Variants in CSMD1 observed in about 807,000 individuals in gnomAD.
CSMD1 encodes the protein CUB and Sushi multiple domains 1, also known as CUB and sushi domain-containing protein 1.
In CSMD1, 213 loss-of-function variants were observed where a neutral mutation model predicts 417.5. The observed-to-expected ratio is 0.51, with a 90% CI of 0.46 to 0.57. The LOEUF is 0.57. Ranked by LOEUF, CSMD1 falls within the 20% of genes least tolerant of loss-of-function variation. CSMD1 has a pLI of 0.00. For synonymous variants in CSMD1, 2,862 were observed against 1,736.8 expected, an observed-to-expected ratio of 1.65 and a Z score of -16.11; for missense variants, 6,923 against 4,529.7, an observed-to-expected ratio of 1.53 and a Z score of -15.17.
intron 39 of CSMD1, among the ~76,000 whole-genome samples, chr8:3,156,035 A>G (rs1456731306): frequency 6.6e-6 from 1 of 152,260 alleles, no homozygotes; most frequent in Non-Finnish European, 1.5e-5. Flanking sequence ...TGTAACAGAC[A>G]GTAATTACCT....
chr8:3,533,398 C>G (rs769219044), intron 10 of CSMD1, among the ~76,000 whole-genome samples: 6 of 152,112 alleles, frequency 3.9e-5, no homozygotes, highest in Non-Finnish European at 8.8e-5. Context: ...CCTCATTTCC[C>G]CCTCCCTGAT....
chr8:4,088,007 T>C (rs1208932808), intron 3 of CSMD1, among the ~76,000 whole-genome samples: 1 of 152,128 alleles, frequency 6.6e-6, no homozygotes, highest in Non-Finnish European at 1.5e-5. Context: ...CTAACTTTAT[T>C]AGAATATCAT....
chr8:4,638,847 G>T (rs1474945554), intron 1 of CSMD1, among the ~76,000 whole-genome samples: 1 of 152,146 alleles, frequency 6.6e-6, no homozygotes, highest in Non-Finnish European at 1.5e-5. Flanking sequence ...AGTGTCTGAG[G>T]AACTGATTTC....
intron 12 of CSMD1, among the ~76,000 whole-genome samples, chr8:3,419,158 C>T (rs1250845426): frequency 6.6e-6 from 1 of 152,208 alleles, no homozygotes; most frequent in Non-Finnish European, 1.5e-5. Flanking sequence ...ATTCTTAACT[C>T]AGCAGGAACT....
At chr8:4,222,102 C>G (rs924245135) in intron 3 of CSMD1, among the ~76,000 whole-genome samples, 5 of 100,788 alleles carry the variant, frequency 5.0e-5, no homozygotes, top group Non-Finnish European at 7.4e-5. Flanking sequence ...AAGATCAAAC[C>G]AACAAAAAAA....
At chr8:4,016,201 T>A (rs1164216683) in intron 4 of CSMD1, among the ~76,000 whole-genome samples, 1 of 152,172 alleles carries the variant, frequency 6.6e-6, no homozygotes, top group Non-Finnish European at 1.5e-5. Context: ...AGAGGTTTAG[T>A]CTAAGTAAAA....
At chr8:3,859,368 ACTT>A (rs1200850833) in intron 5 of CSMD1, among the ~76,000 whole-genome samples, 1 of 152,194 alleles carries the variant, frequency 6.6e-6, no homozygotes, top group African/African-American at 2.4e-5. Flanking sequence ...GTCCAGAAAT[ACTT>A]CTTTTTATAA....
At chr8:3,011,963 T>C (rs1296690664) in intron 52 of CSMD1, among the ~76,000 whole-genome samples, 1 of 152,186 alleles carries the variant, frequency 6.6e-6, no homozygotes, top group East Asian at 1.9e-4. Flanking sequence ...AGAGAGTGGA[T>C]ACCAGGTCAG....
intron 3 of CSMD1, among the ~76,000 whole-genome samples, chr8:4,167,983 G>C (rs1010388204): frequency 4.6e-5 from 7 of 151,894 alleles, no homozygotes; most frequent in East Asian, 3.9e-4. Context: ...CAAAAAATTA[G>C]CCAGGCGTGG....
intron 3 of CSMD1, among the ~76,000 whole-genome samples, chr8:4,075,536 C>T (rs1002247453): frequency 7.2e-5 from 11 of 152,028 alleles, no homozygotes; most frequent in Admixed American, 3.3e-4. Flanking sequence ...GTCAGATATC[C>T]CCTTAGAGAA....
intron 1 of CSMD1, among the ~76,000 whole-genome samples, chr8:4,794,806 C>T (rs1382484607): frequency 2.0e-5 from 3 of 152,142 alleles, no homozygotes; most frequent in East Asian, 1.9e-4. Flanking sequence ...AATAGAAGCA[C>T]TCAATGGTCC....
intron 25 of CSMD1, among the ~76,000 whole-genome samples, chr8:3,307,366 G>T (rs142878370): frequency 4.5e-4 from 68 of 152,150 alleles, no homozygotes; most frequent in African/African-American, 1.6e-3. Flanking sequence ...CTCATCCCCA[G>T]GCAGTCTCAC....
chr8:3,602,640 A>G (rs17066560), intron 8 of CSMD1, among the ~76,000 whole-genome samples: 37,150 of 151,880 alleles, frequency 0.24, 4,737 homozygotes, highest in Admixed American at 0.28. Flanking sequence ...GCTAAGAGTC[A>G]CAGGGTGTTA....
chr8:4,175,457 T>C (rs1006911812), intron 3 of CSMD1, among the ~76,000 whole-genome samples: 3 of 144,398 alleles, frequency 2.1e-5, no homozygotes, highest in South Asian at 4.3e-4. Flanking sequence ...TATTTTATGA[T>C]AGCAAAAGCA....
At chr8:3,539,314 A>C (rs6981196) in intron 10 of CSMD1, among the ~76,000 whole-genome samples, 7,069 of 152,144 alleles carry the variant, frequency 0.046, 484 homozygotes, top group African/African-American at 0.15. Flanking sequence ...CCCACCCCCA[A>C]GCCAATCCCA....
Position 3,106,597 on chromosome 8 carries a change from C to G in CSMD1, c.6880G>C (p.Gly2294Arg). 4 of 1,613,758 alleles carry G rather than the reference C, an allele frequency of 2.5e-6. No homozygotes were observed. Among genetic ancestry groups the G allele is most frequent in the Non-Finnish European group, 3.4e-6 (4 of 1,179,808 alleles). The part of the protein sequence containing the change: ...YQCHPGYTLV[G>R]TDILTCKLSS... ...AGCTTGCAAGTCAGAATGTCGGTCC[C>G]CACCAAGGTGTACCCGGGGTGGCAC... Residue 2294 changes from glycine to arginine, a missense_variant, in exon 46 of 70, where the codon GGG becomes CGG. By Grantham distance (125) the Gly-to-Arg change is moderately radical. Transcript: ENST00000635120.
At chr8:4,954,281 A>G (rs918769032) in intron 1 of CSMD1, among the ~76,000 whole-genome samples, 4 of 152,226 alleles carry the variant, frequency 2.6e-5, no homozygotes, top group African/African-American at 9.6e-5. Flanking sequence ...GATAAGTGTT[A>G]CAACAGAGGT....
intron 1 of CSMD1, among the ~76,000 whole-genome samples, chr8:4,741,729 T>C (rs984612113): frequency 5.3e-5 from 8 of 152,126 alleles, no homozygotes; most frequent in African/African-American, 2.4e-5. Flanking sequence ...CCTGACATAG[T>C]AGCTTGTTAG....
intron 23 of CSMD1, among the ~76,000 whole-genome samples, chr8:3,309,890 G>C (rs1805192200): frequency 6.6e-6 from 1 of 152,182 alleles, no homozygotes; most frequent in South Asian, 2.1e-4. Flanking sequence ...GGACATGCTT[G>C]ATCCTTTGCA....
Sources: allele counts gnomAD v4.1 joint callset (sites outside exome capture counted in the v4.1 genomes callset), GRCh38; gene constraint gnomAD v4.1.1; transcripts MANE v1.5; gene names NCBI Gene and HGNC (gene_info 2026-07-23, HGNC 2026-07-21).